Variants in ASB4 observed in about 807,000 individuals in gnomAD.
ASB4 encodes ankyrin repeat and SOCS box containing 4.
In ASB4, 35 loss-of-function variants were observed where a neutral mutation model predicts 38.6. That is an observed-to-expected ratio of 0.91 (90% CI 0.69 to 1.20). The LOEUF (loss-of-function observed/expected upper bound fraction) is 1.20. Ranked by LOEUF, ASB4 falls within the 50% of genes most tolerant of loss-of-function variation. ASB4 has a pLI of 0.00. For missense variants in ASB4, 557 were observed against 527.2 expected, an observed-to-expected ratio of 1.06 and a Z score of -0.55; for synonymous variants, 195 against 201.3, an observed-to-expected ratio of 0.97 and a Z score of 0.26.
At chr7:95,502,702 A>G (rs1054319649) in intron 2 of ASB4, among the ~76,000 whole-genome samples, 1 of 152,242 alleles carries the variant, frequency 6.6e-6, no homozygotes, top group African/African-American at 2.4e-5. Context: ...AGTTTTCAGA[A>G]TAATGCAGTT....
intron 2 of ASB4, among the ~76,000 whole-genome samples, chr7:95,507,750 A>C (rs1790429748): frequency 6.6e-6 from 1 of 152,144 alleles, no homozygotes; most frequent in African/African-American, 2.4e-5. Context: ...ATTACCAGTA[A>C]AATCATGCTC....
intron 2 of ASB4, among the ~76,000 whole-genome samples, chr7:95,513,490 T>C: frequency 6.6e-6 from 1 of 152,230 alleles, no homozygotes; most frequent in South Asian, 2.1e-4. Context: ...AGGTTAGTCT[T>C]CGTTCTATGA....
intron 3 of ASB4, among the ~76,000 whole-genome samples, chr7:95,530,515 G>A (rs967424924): frequency 1.2e-4 from 19 of 152,090 alleles, no homozygotes; most frequent in African/African-American, 4.6e-4. Context: ...ATACCTGATG[G>A]GGAGGTGGGG....
intron 2 of ASB4, among the ~76,000 whole-genome samples, chr7:95,503,900 G>T (rs1234479938): frequency 6.6e-6 from 1 of 152,078 alleles, no homozygotes; most frequent in African/African-American, 2.4e-5. Context: ...TATTTTTTCA[G>T]TGTTGCAGAG....
chr7:95,489,456 T>G (rs925744920), intron 1 of ASB4, among the ~76,000 whole-genome samples: 1 of 152,232 alleles, frequency 6.6e-6, no homozygotes, highest in Non-Finnish European at 1.5e-5. Context: ...TCATGATTCT[T>G]AAAGTTAGAG....
intron 2 of ASB4, among the ~76,000 whole-genome samples, chr7:95,502,026 TGGG>T: frequency 6.6e-6 from 1 of 151,650 alleles, no homozygotes; most frequent in East Asian, 1.9e-4. Flanking sequence ...ATCATAAAAC[TGGG>T]GAAAATATTT....
Position 95,536,524 on chromosome 7 carries a change from A to G in ASB4, c.1066A>G (p.Arg356Gly), listed in dbSNP as rs748097345. 2 of 1,608,492 alleles carry G rather than the reference A, an allele frequency of 1.2e-6. No homozygotes were observed. The highest frequency in any genetic ancestry group is 1.7e-5 in the Admixed American group (1 of 59,976). The change falls in exon 4 of 5, where the codon AGA becomes GGA. Residue 356 changes from arginine to glycine, a missense_variant. By Grantham distance (125) the Arg-to-Gly change is moderately radical. Coordinates refer to ENST00000325885, the MANE Select transcript of ASB4 (RefSeq NM_016116.3). ...EHIRWNTKWRRAIPDDDLEKY... is the reference protein window; with the variant it reads ...EHIRWNTKWRGAIPDDDLEKY... ...CATCAGATGGAACACAAAGTGGAGA[A>G]GAGCTATCCCCGATGATGACTTGGA... is the stretch of plus-strand genomic sequence containing the variant.
chr7:95,486,109 T>C lies in ASB4; in HGVS notation c.138T>C (p.Thr46=). ...TCCAAAGGCAAATAGATGTGGACACTGTTTTTGAAGTCGAAGATGAGAATA... is the reference window on the plus strand; with the variant it reads ...TCCAAAGGCAAATAGATGTGGACACCGTTTTTGAAGTCGAAGATGAGAATA... ...ILIQRQIDVD[T]VFEVEDENMV... The change falls in exon 1 of 5, where the codon ACT becomes ACC. Residue 46 remains threonine, a synonymous_variant. Coordinates refer to ENST00000325885, the MANE Select transcript of ASB4 (RefSeq NM_016116.3). 6.2e-7 allele frequency: 1 copy of C among 1,614,150 alleles called. No individual in the cohort carries two copies.
chr7:95,534,072 C>T (rs973713461), intron 3 of ASB4, among the ~76,000 whole-genome samples: 3 of 152,066 alleles, frequency 2.0e-5, no homozygotes, highest in East Asian at 1.9e-4. Flanking sequence ...TGGCTGGGCG[C>T]GGTGGCTTAC....
the ASB4 span, among the ~76,000 whole-genome samples, chr7:95,547,668 T>G: frequency 6.6e-6 from 1 of 152,250 alleles, no homozygotes; most frequent in South Asian, 2.1e-4. Flanking sequence ...TAGATGTTGC[T>G]GTGGAAATAT....
chr7:95,543,998 C>T (rs886835524), downstream of ASB4: 6 of 151,972 alleles, frequency 3.9e-5, no homozygotes, highest in Non-Finnish European at 8.8e-5. Flanking sequence ...TCTTTTCTTC[C>T]ATGCCACCCC....
At chr7:95,515,219 T>TTCTC (rs750599766) in intron 2 of ASB4, among the ~76,000 whole-genome samples, 2 of 130,830 alleles carry the variant, frequency 1.5e-5, no homozygotes, top group African/African-American at 6.5e-5. Flanking sequence ...CTTTCTTTCT[T>TTCTC]TCTTTCTTTC....
intron 3 of ASB4, 93 bp from the exon 4 acceptor site, chr7:95,536,344 C>A: frequency 1.3e-6 from 1 of 747,290 alleles, no homozygotes; most frequent in South Asian, 1.8e-5. Flanking sequence ...GCTACCATGC[C>A]CACTGGTCTG....
intron 3 of ASB4, among the ~76,000 whole-genome samples, chr7:95,534,616 G>C (rs541744005): frequency 6.6e-6 from 1 of 152,164 alleles, no homozygotes; most frequent in East Asian, 1.9e-4. Context: ...CTCTGCCCTC[G>C]ATGCACTTGT....
chr7:95,488,346 G>GA (rs71719760), intron 1 of ASB4, among the ~76,000 whole-genome samples: 14 of 149,772 alleles, frequency 9.3e-5, no homozygotes, highest in South Asian at 2.1e-4. Flanking sequence ...GTCTCAAAAA[G>GA]AAAAAAAAAA....
chr7:95,473,789 G>C, upstream of ASB4: 1 of 152,158 alleles, frequency 6.6e-6, no homozygotes, highest in East Asian at 1.9e-4. Flanking sequence ...ACAATGGTCA[G>C]GGACTCCAGG....
upstream of ASB4, among the ~76,000 whole-genome samples, chr7:95,477,520 TTACAC>T (rs1290431024): frequency 1.3e-5 from 2 of 152,180 alleles, no homozygotes; most frequent in African/African-American, 4.8e-5. Flanking sequence ...TATTTTTTCT[TTACAC>T]TATCAGTTTA....
the ASB4 span, among the ~76,000 whole-genome samples, chr7:95,547,454 T>A: frequency 2.0e-5 from 3 of 152,248 alleles, no homozygotes; most frequent in Admixed American, 6.5e-5. Flanking sequence ...TTCATCCATA[T>A]TTTGCATATA....
intron 2 of ASB4, among the ~76,000 whole-genome samples, chr7:95,499,409 A>G (rs1257846122): frequency 1.3e-5 from 2 of 152,248 alleles, no homozygotes; most frequent in African/African-American, 4.8e-5. Context: ...AACCAAGAGT[A>G]TTTTGGCAAC....
Sources: allele counts gnomAD v4.1 joint callset (sites outside exome capture counted in the v4.1 genomes callset), GRCh38; gene constraint gnomAD v4.1.1; transcripts MANE v1.5; gene names NCBI Gene and HGNC (gene_info 2026-07-23, HGNC 2026-07-21).